Variants in ATXN7L1 observed in about 807,000 individuals in gnomAD.
The protein encoded by ATXN7L1 is ataxin-7-like protein 1.
Under a neutral mutation model 70.8 loss-of-function variants are expected in ATXN7L1, and 15 were observed. The ratio of observed to expected loss-of-function variants is 0.21; its 90% confidence interval spans 0.14 to 0.33. ATXN7L1 has a LOEUF of 0.33. ATXN7L1 is among the 10% of genes least tolerant of loss of function. The pLI, the probability that ATXN7L1 is intolerant of heterozygous loss-of-function variation, is 1.00. For missense variants in ATXN7L1, 975 were observed against 1,097.1 expected, an observed-to-expected ratio of 0.89 and a Z score of 1.57; for synonymous variants, 440 against 445.1, an observed-to-expected ratio of 0.99 and a Z score of 0.14.
At chr7:105,671,000 G>A (rs1255434177) in intron 3 of ATXN7L1, among the ~76,000 whole-genome samples, 5 of 151,684 alleles carry the variant, frequency 3.3e-5, no homozygotes, top group South Asian at 4.2e-4. Context: ...CCAGCTACTC[G>A]GGAGGCTGAG....
chr7:105,664,212 G>A (rs533539235), intron 4 of ATXN7L1, among the ~76,000 whole-genome samples: 7 of 152,152 alleles, frequency 4.6e-5, no homozygotes, highest in African/African-American at 1.7e-4. Flanking sequence ...GGGACCCAGT[G>A]TTGCGGGTAG....
At chr7:105,665,766 G>C (rs1367898413) in intron 3 of ATXN7L1, among the ~76,000 whole-genome samples, 1 of 152,188 alleles carries the variant, frequency 6.6e-6, no homozygotes, top group African/African-American at 2.4e-5. Flanking sequence ...GGACCAGCAG[G>C]CTTGAATCGA....
intron 3 of ATXN7L1, among the ~76,000 whole-genome samples, chr7:105,717,093 C>T (rs1002650731): frequency 1.3e-5 from 2 of 151,954 alleles, no homozygotes; most frequent in Non-Finnish European, 2.9e-5. Flanking sequence ...CTGTTTCCCC[C>T]CACTTTTCAC....
intron 3 of ATXN7L1, among the ~76,000 whole-genome samples, chr7:105,722,777 C>T (rs1375456812): frequency 1.3e-5 from 2 of 151,294 alleles, no homozygotes; most frequent in African/African-American, 2.4e-5. Flanking sequence ...CCCCACTACT[C>T]GGGAGGCTGA....
chr7:105,785,693 G>A (rs1804202667), intron 3 of ATXN7L1, among the ~76,000 whole-genome samples: 2 of 152,218 alleles, frequency 1.3e-5, no homozygotes, highest in Admixed American at 1.3e-4. Flanking sequence ...CGGAGTTGGG[G>A]CCTTTGGAGA....
intron 3 of ATXN7L1, among the ~76,000 whole-genome samples, chr7:105,714,948 AC>A (rs950599756): frequency 1.5e-4 from 23 of 152,116 alleles, no homozygotes; most frequent in African/African-American, 5.3e-4. Context: ...GCTGTGGGGC[AC>A]CAGTAAATTG....
chr7:105,779,379 A>G (rs1014351613), intron 3 of ATXN7L1, among the ~76,000 whole-genome samples: 3 of 152,244 alleles, frequency 2.0e-5, no homozygotes, highest in African/African-American at 7.2e-5. Flanking sequence ...AAGTGGGACC[A>G]GGTCAACCTG....
chr7:105,730,152 T>C (rs1796369443), intron 3 of ATXN7L1, among the ~76,000 whole-genome samples: 1 of 152,064 alleles, frequency 6.6e-6, no homozygotes, highest in Non-Finnish European at 1.5e-5. Context: ...GAGGACAAAC[T>C]TGACAAATAC....
chr7:105,725,645 A>C (rs1031218036), intron 3 of ATXN7L1, among the ~76,000 whole-genome samples: 1 of 147,554 alleles, frequency 6.8e-6, no homozygotes, highest in Non-Finnish European at 1.5e-5. Flanking sequence ...CAGTGGCGCC[A>C]TCTTGGCTCA....
At chr7:105,610,260 C>T (rs1211097730) in intron 11 of ATXN7L1, among the ~76,000 whole-genome samples, 1 of 152,182 alleles carries the variant, frequency 6.6e-6, no homozygotes, top group African/African-American at 2.4e-5. Flanking sequence ...AGTGGCTTTA[C>T]ATGAATAGGC....
chr7:105,621,414 A>C (rs1432853405), intron 8 of ATXN7L1, among the ~76,000 whole-genome samples: 5 of 152,184 alleles, frequency 3.3e-5, no homozygotes, highest in Non-Finnish European at 7.3e-5. Context: ...GGATGCCTAC[A>C]TACCTGATTC....
At chr7:105,729,073 G>A (rs893447548) in intron 3 of ATXN7L1, among the ~76,000 whole-genome samples, 4 of 152,136 alleles carry the variant, frequency 2.6e-5, no homozygotes, top group East Asian at 1.9e-4. Context: ...AGACTAGCCT[G>A]GGAAACACAG....
At chr7:105,849,380 G>A (rs894660004) in intron 2 of ATXN7L1, among the ~76,000 whole-genome samples, 2 of 152,172 alleles carry the variant, frequency 1.3e-5, no homozygotes, top group Non-Finnish European at 2.9e-5. Context: ...CCTGAGATGC[G>A]CAGGAATTCT....
At chr7:105,616,493 A>T (rs895611375) in intron 9 of ATXN7L1, among the ~76,000 whole-genome samples, 2 of 152,350 alleles carry the variant, frequency 1.3e-5, no homozygotes, top group South Asian at 4.1e-4. Context: ...CCAAACTCAC[A>T]ATGGCCATGA....
At chr7:105,645,239 ATATGGTAAATTT>A (rs1202548517) in intron 4 of ATXN7L1, among the ~76,000 whole-genome samples, 2 of 152,242 alleles carry the variant, frequency 1.3e-5, no homozygotes, top group African/African-American at 4.8e-5. Flanking sequence ...AAAACGGTTA[ATATGGTAAATTT>A]TATGTTATGC....
rs1793043153 is a variant in ATXN7L1, at chr7:105,610,450, T to C, written c.2547+79A>G. 4 of 1,301,678 alleles carry C rather than the reference T, an allele frequency of 3.1e-6. No individual in the cohort carries two copies. In the South Asian group the frequency reaches 5.5e-5, roughly 18 times the overall value. 80.6% of individuals were successfully genotyped at this position (1,301,678 alleles called of 1,614,324 possible). On this transcript the variant is annotated intron_variant, in intron 11 of 11. Coordinates refer to ENST00000419735, the MANE Select transcript of ATXN7L1 (RefSeq NM_020725.2). ...TGGAGATGAGGTTTGAATCAGGGTC[T>C]GACCCCAGTGTCCAAACTCTTTCCA...
intron 3 of ATXN7L1, among the ~76,000 whole-genome samples, chr7:105,715,269 C>G (rs1301028309): frequency 6.6e-6 from 1 of 152,212 alleles, no homozygotes; most frequent in African/African-American, 2.4e-5. Flanking sequence ...TTCTCTGAGC[C>G]TCACCTTCCT....
chr7:105,776,228 A>T (rs2116452120), intron 3 of ATXN7L1, among the ~76,000 whole-genome samples: 1 of 152,338 alleles, frequency 6.6e-6, no homozygotes, highest in Non-Finnish European at 1.5e-5. Flanking sequence ...GGGTCACGTT[A>T]CAGCGAGAGC....
intron 3 of ATXN7L1, among the ~76,000 whole-genome samples, chr7:105,766,299 T>C (rs906807320): frequency 6.6e-6 from 1 of 152,114 alleles, no homozygotes; most frequent in Admixed American, 6.6e-5. Context: ...CCACTTACAG[T>C]GCGTGCAACG....
Sources: gnomAD v4.1 joint callset for allele counts (sites outside exome capture counted in the v4.1 genomes callset) on GRCh38, gnomAD v4.1.1 for gene constraint, MANE v1.5 for transcripts, NCBI Gene and HGNC (gene_info 2026-07-23, HGNC 2026-07-21) for gene names.